ASAP1: variants seen among roughly 807,000 people sequenced by gnomAD.
ASAP1 encodes ArfGAP with SH3 domain, ankyrin repeat and PH domain 1, also known as arf-GAP with SH3 domain, ANK repeat and PH domain-containing protein 1.
ASAP1 carries 43 observed loss-of-function variants against 145.2 expected under a neutral mutation model. That is an observed-to-expected ratio of 0.30 (90% confidence interval 0.23 to 0.38). The LOEUF (loss-of-function observed/expected upper bound fraction) is 0.38, where lower values mean the gene tolerates loss of function less well. Among genes scored for constraint, ASAP1 ranks in the 10% least tolerant of loss-of-function variants. The probability of loss-of-function intolerance (pLI) is 1.00; values close to 1 mark genes in which losing one functional copy is unlikely to be tolerated. For synonymous variants in ASAP1, 546 were observed against 515.5 expected (o/e 1.06, Z -0.80); for missense variants, 1,018 against 1,355.3 (o/e 0.75, Z 3.91).
At chr8:130,154,044 TA>T (rs993484054) in intron 12 of ASAP1, among the ~76,000 whole-genome samples, 3 of 151,958 alleles carry the variant, frequency 2.0e-5, no homozygotes, top group Admixed American at 1.3e-4. Context: ...AAATAAAAAT[TA>T]AAGTTAAGAA....
intron 3 of ASAP1, among the ~76,000 whole-genome samples, chr8:130,263,106 G>A (rs1565149659): frequency 6.6e-6 from 1 of 152,250 alleles, no homozygotes; most frequent in Middle Eastern, 3.4e-3. Flanking sequence ...CCTTTGACTT[G>A]GCATATAGTG....
intron 5 of ASAP1, among the ~76,000 whole-genome samples, chr8:130,205,282 C>T (rs1035795609): frequency 1.3e-5 from 2 of 150,186 alleles, no homozygotes; most frequent in Non-Finnish European, 2.9e-5. Flanking sequence ...TAGACAAGTG[C>T]TATGAACAAC....
At chr8:130,350,008 C>G (rs566159834) in intron 3 of ASAP1, among the ~76,000 whole-genome samples, 12 of 152,286 alleles carry the variant, frequency 7.9e-5, no homozygotes, top group Admixed American at 4.6e-4. Context: ...GCTCCCTGGA[C>G]AAACAGACAA....
intron 25 of ASAP1, 71 bp downstream of exon 25, chr8:130,091,902 G>A: frequency 7.0e-7 from 1 of 1,424,292 alleles, no homozygotes; most frequent in Non-Finnish European, 9.3e-7. Context: ...GTGCTAACAG[G>A]CCACTGCCCA....
At chr8:130,074,863 C>T (rs757991389) in intron 27 of ASAP1, among the ~76,000 whole-genome samples, 1 of 152,202 alleles carries the variant, frequency 6.6e-6, no homozygotes, top group Non-Finnish European at 1.5e-5. Flanking sequence ...GCCAGACTGC[C>T]ACACTGACTG....
At chr8:130,098,062 G>C (rs745908487) in intron 24 of ASAP1, among the ~76,000 whole-genome samples, 15 of 152,122 alleles carry the variant, frequency 9.9e-5, no homozygotes, top group Non-Finnish European at 1.6e-4. Flanking sequence ...ATGTGCTTGA[G>C]CTAAAACACA....
chr8:130,085,627 T>C (rs1235989786), intron 25 of ASAP1, among the ~76,000 whole-genome samples: 1 of 150,070 alleles, frequency 6.7e-6, no homozygotes, highest in African/African-American at 2.5e-5. Context: ...CCAAGTTACT[T>C]GGGAGGCTGA....
chr8:130,164,664 T>G (rs894246399), intron 11 of ASAP1, among the ~76,000 whole-genome samples: 5 of 152,170 alleles, frequency 3.3e-5, no homozygotes, highest in Non-Finnish European at 5.9e-5. Context: ...GATTAAGCTA[T>G]TACAAAAGCT....
At chr8:130,283,695 C>G (rs941570211) in intron 3 of ASAP1, among the ~76,000 whole-genome samples, 1 of 150,110 alleles carries the variant, frequency 6.7e-6, no homozygotes, top group Non-Finnish European at 1.5e-5. Flanking sequence ...TGGAAAGAGA[C>G]TAACTTGATA....
chr8:130,087,095 T>C (rs1362708966), intron 25 of ASAP1, among the ~76,000 whole-genome samples: 2 of 152,114 alleles, frequency 1.3e-5, no homozygotes, highest in Non-Finnish European at 2.9e-5. Flanking sequence ...ATCATCAGCA[T>C]AGAAAGTGTG....
intron 2 of ASAP1, among the ~76,000 whole-genome samples, chr8:130,392,987 C>G (rs185990813): frequency 6.6e-6 from 1 of 152,230 alleles, no homozygotes; most frequent in Non-Finnish European, 1.5e-5. Flanking sequence ...CACCGAGGCA[C>G]ACAGAAATTA....
At chr8:130,304,460 A>G (rs1822870491) in intron 3 of ASAP1, among the ~76,000 whole-genome samples, 1 of 152,186 alleles carries the variant, frequency 6.6e-6, no homozygotes, top group Non-Finnish European at 1.5e-5. Context: ...AGATAAAAAC[A>G]GTTTTAACCT....
intron 27 of ASAP1, among the ~76,000 whole-genome samples, chr8:130,064,836 TA>T (rs2097426998): frequency 6.6e-6 from 1 of 151,822 alleles, no homozygotes; most frequent in African/African-American, 2.4e-5. Flanking sequence ...ACTGATTTGC[TA>T]GAGTGGTTCA....
intron 3 of ASAP1, among the ~76,000 whole-genome samples, chr8:130,276,549 G>C (rs1820892277): frequency 6.6e-6 from 1 of 152,080 alleles, no homozygotes; most frequent in South Asian, 2.1e-4. Flanking sequence ...TGTCCTGTAG[G>C]CTGATCCCAG....
chr8:130,409,526 C>G (rs188586431), intron 1 of ASAP1, among the ~76,000 whole-genome samples: 369 of 152,178 alleles, frequency 2.4e-3, no homozygotes, highest in African/African-American at 8.5e-3. Flanking sequence ...TTGAGATGGG[C>G]CCTTCTGATA....
intron 4 of ASAP1, among the ~76,000 whole-genome samples, chr8:130,229,268 T>A (rs1270542642): frequency 6.6e-6 from 1 of 152,214 alleles, no homozygotes; most frequent in African/African-American, 2.4e-5. Flanking sequence ...CATTGACATG[T>A]GAACTAGAAA....
intron 4 of ASAP1, among the ~76,000 whole-genome samples, chr8:130,216,789 T>A (rs946697786): frequency 6.6e-6 from 1 of 152,214 alleles, no homozygotes; most frequent in Non-Finnish European, 1.5e-5. Context: ...CCACTAACTA[T>A]GTTGAATCTT....
chr8:130,209,022 G>A (rs911310199), intron 5 of ASAP1, among the ~76,000 whole-genome samples: 8 of 152,122 alleles, frequency 5.3e-5, no homozygotes, highest in Admixed American at 4.6e-4. Context: ...AAGAGAAATT[G>A]CAATTCCCCT....
At chr8:130,142,132 A>C (rs1344550109) in intron 13 of ASAP1, among the ~76,000 whole-genome samples, 2 of 152,242 alleles carry the variant, frequency 1.3e-5, no homozygotes, top group Non-Finnish European at 2.9e-5. Context: ...TGAAGAAATA[A>C]AGGCACAGAA....
Sources: allele counts gnomAD v4.1 joint callset (sites outside exome capture counted in the v4.1 genomes callset), GRCh38; gene constraint gnomAD v4.1.1; transcripts MANE v1.5; gene names NCBI Gene and HGNC (gene_info 2026-07-23, HGNC 2026-07-21).